ESRRB: variants seen among roughly 807,000 people sequenced by gnomAD.
ESRRB encodes the protein estrogen related receptor beta.
In ESRRB, 16 loss-of-function variants were observed where a neutral mutation model predicts 46.0. That is an observed-to-expected ratio of 0.35 (90% CI 0.24 to 0.53). The LOEUF (loss-of-function observed/expected upper bound fraction) is 0.53. ESRRB is among the 20% of genes least tolerant of loss of function. ESRRB has a pLI of 0.93. For synonymous variants in ESRRB, 246 were observed against 259.6 expected (o/e 0.95, Z 0.50); for missense variants, 488 against 607.4 (o/e 0.80, Z 2.07).
At chr14:76,381,203 C>T (rs1397994278) in intron 1 of ESRRB, among the ~76,000 whole-genome samples, 3 of 152,078 alleles carry the variant, frequency 2.0e-5, no homozygotes, top group Admixed American at 6.5e-5. Context: ...CGTCCCTGCG[C>T]GGGGAGGTTG....
At chr14:76,348,680 T>C (rs1385923318) in intron 1 of ESRRB, among the ~76,000 whole-genome samples, 1 of 152,226 alleles carries the variant, frequency 6.6e-6, no homozygotes, top group Non-Finnish European at 1.5e-5. Context: ...AAATCTAGGC[T>C]GAGGGATCAT....
upstream of ESRRB, among the ~76,000 whole-genome samples, chr14:76,373,121 C>G (rs78287497): frequency 4.4e-3 from 663 of 152,346 alleles, 4 homozygotes; most frequent in African/African-American, 0.015. Flanking sequence ...ACATCCTCCA[C>G]ATTTACTGCA....
intron 2 of ESRRB, among the ~76,000 whole-genome samples, chr14:76,446,377 T>TG (rs1566903309): frequency 1.3e-5 from 2 of 151,646 alleles, no homozygotes; most frequent in African/African-American, 2.4e-5. Flanking sequence ...TCGTTTTTTT[T>TG]TTTTGTTTTG....
chr14:76,450,687 C>T (rs535205451), intron 2 of ESRRB, among the ~76,000 whole-genome samples: 10 of 152,250 alleles, frequency 6.6e-5, no homozygotes, highest in Admixed American at 4.6e-4. Flanking sequence ...CACCTTGGGT[C>T]GCCTCCAGGT....
chr14:76,492,223 G>T lies in ESRRB; in HGVS notation c.1120+507G>T, dbSNP rs530049375. 5.3e-5 allele frequency among the ~76,000 whole-genome samples: 8 copies of T among 152,340 alleles called. No homozygotes were observed. In the South Asian group the frequency reaches 1.7e-3, roughly 32 times the overall value. On this transcript the variant is annotated intron_variant, in intron 6 of 6. Transcript: ENST00000644823. Reference sequence around the variant, plus strand: ...CTGTCGCCCAGGTAGGAGTGCTGTGGCTTGATCCTAGCTCACTGCAGTCTC... The same window carrying T: ...CTGTCGCCCAGGTAGGAGTGCTGTGTCTTGATCCTAGCTCACTGCAGTCTC...
At chr14:76,397,046 TG>T (rs1314577790) in intron 1 of ESRRB, among the ~76,000 whole-genome samples, 3 of 152,248 alleles carry the variant, frequency 2.0e-5, no homozygotes, top group Non-Finnish European at 4.4e-5. Context: ...AAAGGGGCCC[TG>T]GGCTTCATTC....
chr14:76,416,218 C>A (rs1285292541), intron 1 of ESRRB, among the ~76,000 whole-genome samples: 1 of 150,508 alleles, frequency 6.6e-6, no homozygotes, highest in Non-Finnish European at 1.5e-5. Context: ...TCACTGCAAC[C>A]TCTTGGCTCC....
At chr14:76,332,391 T>C (rs1884023670) in intron 1 of ESRRB, among the ~76,000 whole-genome samples, 1 of 140,768 alleles carries the variant, frequency 7.1e-6, no homozygotes, top group Admixed American at 8.1e-5. Context: ...CTCTATCTCC[T>C]GGGCTCAAGC....
chr14:76,324,368 G>A (rs1883903101), intron 1 of ESRRB, among the ~76,000 whole-genome samples: 1 of 152,170 alleles, frequency 6.6e-6, no homozygotes. Flanking sequence ...GGTCATGGGT[G>A]ATTCTCAGGA....
Position 76,482,367 on chromosome 14 carries a change from G to A in ESRRB, c.689-231G>A, listed in dbSNP as rs1303767359. ...CCACCCACCCAAAGTTGCTCTGCAGGTTCCTCCTGGAGAATTCGTCAGGCA... is the reference window on the plus strand; with the variant it reads ...CCACCCACCCAAAGTTGCTCTGCAGATTCCTCCTGGAGAATTCGTCAGGCA... On this transcript the variant is annotated intron_variant, in intron 4 of 6. Coordinates refer to ENST00000644823, the MANE Select transcript of ESRRB (RefSeq NM_001379180.1). This position sits in a 1 kb window ranked among gnomAD's most constrained non-coding sequence, Gnocchi z 4.3. 6.6e-6 allele frequency among the ~76,000 whole-genome samples: 1 copy of A among 152,166 alleles called. No individual in the cohort carries two copies. Among genetic ancestry groups the A allele is most frequent in the Non-Finnish European group, 1.5e-5 (1 of 68,040 alleles).
intron 5 of ESRRB, among the ~76,000 whole-genome samples, chr14:76,485,233 A>ATTTTTTTTTTTTT (rs34504939): frequency 1.1e-5 from 1 of 91,858 alleles, no homozygotes. Flanking sequence ...CAAATGCCTG[A>ATTTTTTTTTTTTT]TTTTTTTTTT....
In ESRRB at chr14:76,501,466, CTG is replaced by C. The variant is rs1394075685; in HGVS notation, c.*3012_*3013del. On this transcript the variant is annotated 3_prime_UTR_variant, in exon 7 of 7. Coordinates refer to ENST00000644823, the MANE Select transcript of ESRRB (RefSeq NM_001379180.1). The stretch of plus-strand genomic sequence containing the variant: ...TAGAGGAGCTGGAACCTGCACCCAC[CTG>C]TGTCGGTGGGGGGGGCCTCCTTTCC... 3 of 151,300 alleles carry C rather than the reference CTG, an allele frequency of 2.0e-5. No individual in the cohort carries two copies. The highest frequency in any genetic ancestry group is 7.4e-5 in the African/African-American group (3 of 40,556). The allele number at this position is 151,300 out of a possible 1,614,324, so 9.4% of individuals were successfully genotyped here.
At position 76,458,840 on chromosome 14, in the gene ESRRB, C is replaced by CTT. The variant is rs58084859; in HGVS notation, c.461-3684_461-3683dup. Among the ~76,000 whole-genome samples, 1,167 of 126,238 alleles carry CTT rather than the reference C, an allele frequency of 9.2e-3. 11 individuals carry two copies. Among genetic ancestry groups the CTT allele is most frequent in the Middle Eastern group, 0.014 (3 of 216 alleles). The allele number at this position is 126,238 out of a possible 152,430, so 82.8% of individuals were successfully genotyped here. A position where few individuals can be genotyped will look rare whatever the true frequency, so the allele number is the denominator to read the frequency against. ...TACCCTGGATTCTGTTCACCCTCTCCTTTTTTTTTTTTTTTTTTTTTTGAG... is the reference window on the plus strand; with the variant it reads ...TACCCTGGATTCTGTTCACCCTCTCCTTTTTTTTTTTTTTTTTTTTTTTTGAG... On this transcript the variant is annotated intron_variant, in intron 2 of 6. Coordinates refer to ENST00000644823, the MANE Select transcript of ESRRB (RefSeq NM_001379180.1).
rs529813853 is a variant in ESRRB, at chr14:76,435,342, G to A, written c.51-3999G>A. ...GTGCCCCCATCAGCATGGCACCCGC[G>A]GGGCCCTTTCTGGCACTCTGTGCAC... On this transcript the variant is annotated intron_variant, in intron 1 of 6. Transcript: ENST00000644823. Among the ~76,000 whole-genome samples, 66 of 152,334 alleles carry A rather than the reference G, an allele frequency of 4.3e-4. No homozygotes were observed. The South Asian group carries it at 6.6e-3, about 15-fold the overall frequency.
At chr14:76,390,260 G>A (rs1433861845) in intron 1 of ESRRB, among the ~76,000 whole-genome samples, 1 of 152,152 alleles carries the variant, frequency 6.6e-6, no homozygotes, top group Non-Finnish European at 1.5e-5. Context: ...AGGCTGAGGT[G>A]GGCAGATCAT....
chr14:76,358,322 AAAAAGAAAG>A (rs1884410551), intron 1 of ESRRB, among the ~76,000 whole-genome samples: 2 of 78,114 alleles, frequency 2.6e-5, no homozygotes, highest in Non-Finnish European at 5.5e-5. Context: ...AAAAAAAAAA[AAAAAGAAAG>A]AAAGAAAGAA....
chr14:76,491,340 C>A, intron 5 of ESRRB, 107 bp from the exon 6 acceptor site: 1 of 1,171,190 alleles, frequency 8.5e-7, no homozygotes, highest in Non-Finnish European at 1.2e-6. Context: ...CCAGGGACAC[C>A]CCGCAACCAG....
chr14:76,392,110 G>T (rs1885493590), intron 1 of ESRRB, among the ~76,000 whole-genome samples: 1 of 152,232 alleles, frequency 6.6e-6, no homozygotes, highest in South Asian at 2.1e-4. Context: ...GTCCCCCATG[G>T]CTCTCAGCAG....
At position 76,411,946 on chromosome 14, in the gene ESRRB, A is replaced by G. The variant is rs553865054; in HGVS notation, c.51-27395A>G. ...TGGTATCATTTTAAATACAATTAGC[A>G]TAGTGTCAGGTATACAAAAGATGCT... On this transcript the variant is annotated intron_variant, in intron 1 of 6. Transcript: ENST00000644823. Among the ~76,000 whole-genome samples the G allele has an allele frequency of 7.2e-5, 11 of 152,332 alleles. No individual in the cohort carries two copies. In the South Asian group the frequency reaches 1.7e-3, roughly 23 times the overall value.
Sources: gnomAD v4.1 joint callset for allele counts (sites outside exome capture counted in the v4.1 genomes callset) on GRCh38, gnomAD v4.1.1 for gene constraint, Gnocchi (gnomAD v3.1) non-coding constraint, MANE v1.5 for transcripts, NCBI Gene and HGNC (gene_info 2026-07-23, HGNC 2026-07-21) for gene names.